Variants in RIC1 observed in about 807,000 individuals in gnomAD.
The protein encoded by RIC1 is RIC1 partner of RAB6A GEF complex.
In RIC1, 88 loss-of-function variants were observed where a neutral mutation model predicts 169.0. The ratio of observed to expected loss-of-function variants is 0.52; its 90% CI spans 0.44 to 0.62. The LOEUF (loss-of-function observed/expected upper bound fraction) is 0.62. Among genes scored for constraint, RIC1 ranks in the 20% least tolerant of loss-of-function variants. The pLI is 0.00. For missense variants in RIC1, 1,877 were observed against 1,725.5 expected, an observed-to-expected ratio of 1.09 and a Z score of -1.56; for synonymous variants, 790 against 601.5, an observed-to-expected ratio of 1.31 and a Z score of -4.59.
At chr9:5,713,736 G>A in intron 3 of RIC1, 160 bp from the exon 4 acceptor site, 1 of 486,598 alleles carries the variant, frequency 2.1e-6, no homozygotes, top group Non-Finnish European at 3.7e-6. Context: ...GATAATGTCT[G>A]CTATAATAGA....
chr9:5,681,321 G>T (rs932409706), intron 2 of RIC1, among the ~76,000 whole-genome samples: 2 of 152,004 alleles, frequency 1.3e-5, no homozygotes, highest in African/African-American at 4.8e-5. Context: ...TTCCCTCTAC[G>T]CACTGCTTTG....
At chr9:5,767,453 C>A (rs1440846947) in intron 21 of RIC1, among the ~76,000 whole-genome samples, 1 of 149,100 alleles carries the variant, frequency 6.7e-6, no homozygotes, top group East Asian at 2.0e-4. Flanking sequence ...CTTACCTAAT[C>A]CTTTGTTTTA....
chr9:5,771,131 G>A (rs2131146371), intron 23 of RIC1, among the ~76,000 whole-genome samples: 1 of 152,202 alleles, frequency 6.6e-6, no homozygotes, highest in Non-Finnish European at 1.5e-5. Context: ...TGTTAATTAT[G>A]CCCACATTGT....
intron 3 of RIC1, among the ~76,000 whole-genome samples, chr9:5,704,066 T>G (rs893939152): frequency 2.0e-5 from 3 of 151,880 alleles, no homozygotes; most frequent in African/African-American, 7.3e-5. Context: ...TATATTAGGG[T>G]CATCCCAATG....
At chr9:5,663,739 G>T (rs933033962) in intron 2 of RIC1, among the ~76,000 whole-genome samples, 1 of 152,090 alleles carries the variant, frequency 6.6e-6, no homozygotes, top group South Asian at 2.1e-4. Flanking sequence ...ACAGCATACC[G>T]CTGGGTCTTG....
At chr9:5,659,272 C>G (rs1819299579) in intron 2 of RIC1, among the ~76,000 whole-genome samples, 1 of 152,032 alleles carries the variant, frequency 6.6e-6, no homozygotes, top group African/African-American at 2.4e-5. Context: ...TGTCCTTATT[C>G]CAGTACCACA....
At position 5,743,717 on chromosome 9, in the gene RIC1, C is replaced by A. The variant is rs556847861; in HGVS notation, c.1075C>A (p.Pro359Thr). 2 of 1,610,326 alleles carry A rather than the reference C, an allele frequency of 1.2e-6. No homozygotes were observed. Among genetic ancestry groups the A allele is most frequent in the Non-Finnish European group, 1.7e-6 (2 of 1,177,280 alleles). Residue 359 changes from proline (P) to threonine (T), a missense_variant, in exon 10 of 26, where the codon CCC (proline) becomes ACC (threonine). Pro to Thr is a conservative substitution (Grantham distance 38). Around this residue, in one of 3 missense-constraint regions of RIC1, gnomAD observed 1,104 missense variants for 992.0 expected, o/e 1.11. Coordinates refer to ENST00000414202, the MANE Select transcript of RIC1 (RefSeq NM_020829.4). ...AYRSDGTKKD[P>T]LKINSMSWGA... is the part of the protein sequence containing the mutation. ...TAGGTCTGATGGCACCAAAAAAGAT[C>A]CCCTTAAGATCAACTCTATGGTAAG...
At position 5,656,573 on chromosome 9, in the gene RIC1, A is replaced by G; in HGVS notation, c.145-10A>G. ...AAAAATACAACTTTTTTTTTTTTTT[A>G]ATCACACAGCCTAGTGTGTTAATTG... On this transcript the variant is annotated splice_polypyrimidine_tract_variant and intron_variant, in intron 1 of 25. Coordinates refer to ENST00000414202, the MANE Select transcript of RIC1 (RefSeq NM_020829.4). The G allele has an allele frequency of 5.2e-6, 7 of 1,351,656 alleles. No individual in the cohort carries two copies. The highest frequency in any genetic ancestry group is 7.0e-6 in the Non-Finnish European group (7 of 1,000,956). 83.7% of individuals were successfully genotyped at this position (1,351,656 alleles called of 1,614,324 possible).
chr9:5,666,003 C>G (rs888873338), intron 2 of RIC1, among the ~76,000 whole-genome samples: 2 of 152,158 alleles, frequency 1.3e-5, no homozygotes, highest in Non-Finnish European at 2.9e-5. Context: ...GGTATGGGCT[C>G]TCCAGGACCC....
intron 16 of RIC1, 96 bp downstream of exon 16, chr9:5,756,468 A>G (rs1826024090): frequency 3.8e-6 from 3 of 795,982 alleles, no homozygotes; most frequent in Non-Finnish European, 5.4e-6. Flanking sequence ...TTCCACTTTT[A>G]TATTCAATCT....
chr9:5,659,134 A>T (rs972989053), intron 2 of RIC1, among the ~76,000 whole-genome samples: 1 of 152,144 alleles, frequency 6.6e-6, no homozygotes, highest in African/African-American at 2.4e-5. Context: ...TAAATGTTAC[A>T]GTACAATATG....
At chr9:5,688,632 T>C (rs753670359) in intron 2 of RIC1, among the ~76,000 whole-genome samples, 1 of 152,190 alleles carries the variant, frequency 6.6e-6, no homozygotes, top group Non-Finnish European at 1.5e-5. Flanking sequence ...GTTGAAACTC[T>C]AGTTTCAAAT....
Position 5,745,831 on chromosome 9 carries a change from C to T in RIC1, c.1096-100C>T. The T allele has an allele frequency of 6.3e-6, 6 of 948,548 alleles. 1 individual carries two copies. In the South Asian group the frequency reaches 8.4e-5, roughly 13 times the overall value. 58.8% of individuals were successfully genotyped at this position (948,548 alleles called of 1,614,324 possible). ...CAACCTTCACAAATCATTAATAATG[C>T]TATCATTGGCTATTTCAGAATTTGA... is the stretch of plus-strand genomic sequence containing the variant. On this transcript the variant is annotated intron_variant, in intron 10 of 25. Transcript: ENST00000414202.
chr9:5,720,660 A>C lies in RIC1; in HGVS notation c.630A>C (p.Glu210Asp). 2 of 1,612,236 alleles carry C rather than the reference A, an allele frequency of 1.2e-6. No homozygotes were observed. Among genetic ancestry groups the C allele is most frequent in the Non-Finnish European group, 1.7e-6 (2 of 1,179,226 alleles). ...GFTDVHIRDMEYCATLDGFAV... is the reference protein window; with the variant it reads ...GFTDVHIRDMDYCATLDGFAV... ...CAGACGTACACATCAGAGACATGGA[A>C]TACTGTGCCACACTTGATGGGTTTG... is the stretch of plus-strand genomic sequence containing the variant. Residue 210 changes from glutamate (E) to aspartate (D), a missense_variant, in exon 6 of 26, where the codon GAA becomes GAC. By Grantham distance (45) the Glu-to-Asp change is conservative (BLOSUM62 2). Coordinates refer to ENST00000414202, the MANE Select transcript of RIC1 (RefSeq NM_020829.4).
intron 12 of RIC1, among the ~76,000 whole-genome samples, chr9:5,751,436 A>C (rs935557863): frequency 6.6e-6 from 1 of 151,602 alleles, no homozygotes; most frequent in Non-Finnish European, 1.5e-5. Flanking sequence ...GCTCACTGCA[A>C]CCTCCGCCTC....
At chr9:5,662,142 T>C (rs1819489892) in intron 2 of RIC1, among the ~76,000 whole-genome samples, 1 of 152,228 alleles carries the variant, frequency 6.6e-6, no homozygotes, top group African/African-American at 2.4e-5. Flanking sequence ...TTTATTGAAT[T>C]GTGTATGTTG....
downstream of RIC1, among the ~76,000 whole-genome samples, chr9:5,777,821 T>C (rs1220867060): frequency 6.6e-6 from 1 of 152,216 alleles, no homozygotes; most frequent in African/African-American, 2.4e-5. Flanking sequence ...TGTATTCTAA[T>C]GATCTATAAT....
At chr9:5,733,013 G>C (rs1320640294) in intron 7 of RIC1, among the ~76,000 whole-genome samples, 1 of 151,982 alleles carries the variant, frequency 6.6e-6, no homozygotes, top group Non-Finnish European at 1.5e-5. Flanking sequence ...CTAAGCACTT[G>C]ATACATTAGA....
chr9:5,739,767 G>A (rs1312127093), intron 8 of RIC1, among the ~76,000 whole-genome samples: 1 of 151,546 alleles, frequency 6.6e-6, no homozygotes, highest in Admixed American at 6.6e-5. Flanking sequence ...TGTTTCTTCT[G>A]GCAAAAAAAA....
Sources: gnomAD v4.1 joint callset for allele counts (sites outside exome capture counted in the v4.1 genomes callset) on GRCh38, gnomAD v4.1.1 for gene constraint, gnomAD v4.1.1 regional missense constraint, MANE v1.5 for transcripts, NCBI Gene and HGNC (gene_info 2026-07-23, HGNC 2026-07-21) for gene names.